Variants in EML2 observed in about 807,000 individuals in gnomAD.
The protein encoded by EML2 is EMAP like 2.
Under a neutral mutation model 84.7 loss-of-function variants are expected in EML2, and 59 were observed. That is an observed-to-expected ratio of 0.70 (90% CI 0.56 to 0.86). The LOEUF (loss-of-function observed/expected upper bound fraction) is 0.86. Ranked by LOEUF, EML2 falls within the 40% of genes least tolerant of loss-of-function variation. EML2 has a pLI of 0.00. For missense variants in EML2, 818 were observed against 855.6 expected (o/e 0.96, Z 0.55); for synonymous variants, 352 against 348.9 (o/e 1.01, Z -0.10).
intron 3 of EML2, among the ~76,000 whole-genome samples, chr19:45,637,310 C>T (rs1973840299): frequency 6.6e-6 from 1 of 152,106 alleles, no homozygotes; most frequent in Admixed American, 6.6e-5. Context: ...TGTCTCCTAC[C>T]TATAACCTCA....
chr19:45,636,401 T>C, intron 3 of EML2, among the ~76,000 whole-genome samples: 1 of 152,228 alleles, frequency 6.6e-6, no homozygotes, highest in South Asian at 2.1e-4. Flanking sequence ...CCATGGTGGC[T>C]GAGATTGGGC....
intron 12 of EML2, 52 bp from the exon 13 acceptor site, chr19:45,617,749 T>C (rs759504450): frequency 1.3e-6 from 2 of 1,535,102 alleles, no homozygotes; most frequent in African/African-American, 2.7e-5. Context: ...CCCATGTCCA[T>C]CTGGACATTC....
chr19:45,624,967 C>T, intron 8 of EML2, 149 bp from the exon 9 acceptor site: 1 of 628,404 alleles, frequency 1.6e-6, no homozygotes. Context: ...CTTCTCCCAC[C>T]TGCCTCCATC....
chr19:45,619,268 G>A, intron 11 of EML2, 77 bp from the exon 12 acceptor site: 1 of 1,495,136 alleles, frequency 6.7e-7, no homozygotes, highest in East Asian at 2.4e-5. Flanking sequence ...CCAGACAAAT[G>A]CTAGATGAGC....
intron 3 of EML2, among the ~76,000 whole-genome samples, chr19:45,636,435 G>GTT (rs369258407): frequency 6.6e-6 from 1 of 152,020 alleles, no homozygotes; most frequent in African/African-American, 2.4e-5. Flanking sequence ...TGTTTGTTTT[G>GTT]TTTTTTTCAT....
In EML2 at chr19:45,613,616, A is replaced by T; in HGVS notation, c.1749T>A (p.His583Gln). ...GTDINAVARS[H>Q]DGKLLASADD... is the part of the protein sequence containing the mutation. ...CAGCTGAAGCCAGCAACTTCCCATC[A>T]TGAGAGCGGGCCACAGCGTTGATAT... is the stretch of plus-strand genomic sequence containing the variant. The change falls in exon 18 of 19, where the codon CAT (histidine) becomes CAA (glutamine). Residue 583 changes from histidine to glutamine, a missense_variant. His to Gln is a conservative substitution (Grantham distance 24, BLOSUM62 0). Coordinates refer to ENST00000245925, the MANE Select transcript of EML2 (RefSeq NM_012155.4). 6 of 1,614,094 alleles carry T rather than the reference A, an allele frequency of 3.7e-6. No homozygotes were observed. The highest frequency in any genetic ancestry group is 5.1e-6 in the Non-Finnish European group (6 of 1,179,986).
At position 45,638,872 on chromosome 19, in the gene EML2, T is replaced by G. The variant is rs779827502; in HGVS notation, c.22A>C (p.Lys8Gln). 1.9e-6 allele frequency: 3 copies of G among 1,613,554 alleles called. No individual in the cohort carries two copies. The change falls in exon 2 of 19, where the codon AAA becomes CAA. Residue 8 changes from lysine to glutamine, a missense_variant and splice_region_variant. Lys to Gln is a moderately conservative substitution (Grantham distance 53). Coordinates refer to ENST00000245925, the MANE Select transcript of EML2 (RefSeq NM_012155.4). ...ACACTGAAGATAACTTCTTTGGTTTTGCTGTCAGGAAAGGACAAAGAAAAA... is the reference window on the plus strand; with the variant it reads ...ACACTGAAGATAACTTCTTTGGTTTGGCTGTCAGGAAAGGACAAAGAAAAA... MSSFGAG[K>Q]TKEVIFSVED...
upstream of EML2, chr19:45,641,806 G>C: frequency 4.6e-6 from 7 of 1,524,824 alleles, no homozygotes; most frequent in Non-Finnish European, 6.1e-6. Flanking sequence ...CGAGTGCCGT[G>C]AGCAAGCGAG....
At chr19:45,622,883 T>C (rs1555751245) in intron 9 of EML2, among the ~76,000 whole-genome samples, 2 of 141,136 alleles carry the variant, frequency 1.4e-5, no homozygotes, top group South Asian at 2.3e-4. Context: ...CCATCTCTAC[T>C]AAAAAAATAC....
chr19:45,620,607 G>A (rs532451958), intron 11 of EML2, among the ~76,000 whole-genome samples: 47 of 151,766 alleles, frequency 3.1e-4, no homozygotes, highest in African/African-American at 1.1e-3. Flanking sequence ...TACTCGGGAG[G>A]CTGAGGCAGG....
intron 11 of EML2, chr19:45,620,734 A>G (rs1971586738): frequency 4.6e-6 from 1 of 215,218 alleles, no homozygotes; most frequent in Non-Finnish European, 9.7e-6. Context: ...AAAAAAAAGT[A>G]TAAATATAGT....
At chr19:45,614,394 G>C (rs1420472248) in intron 17 of EML2, among the ~76,000 whole-genome samples, 1 of 151,952 alleles carries the variant, frequency 6.6e-6, no homozygotes, top group African/African-American at 2.4e-5. Flanking sequence ...GATCTCTCCT[G>C]GCCAGTTACC....
intron 16 of EML2, 135 bp downstream of exon 16, chr19:45,615,667 C>A: frequency 1.4e-6 from 1 of 714,372 alleles, no homozygotes; most frequent in Admixed American, 2.4e-5. Flanking sequence ...AGCCAGCGGT[C>A]CCTAAATTCC....
rs1385816224 is a variant in EML2, at chr19:45,636,893, G to A, written c.179+1612C>T. ...ACCCAGGAGGTGGAGGTTGCAGTGA[G>A]CCAAGATCGTGCCACTGCACTCTAG... is the stretch of plus-strand genomic sequence containing the variant. On this transcript the variant is annotated intron_variant, in intron 3 of 18. Transcript: ENST00000245925. Among the ~76,000 whole-genome samples, 8 of 152,384 alleles carry A rather than the reference G, an allele frequency of 5.2e-5. No individual in the cohort carries two copies. In the East Asian group the frequency reaches 1.5e-3, roughly 29 times the overall value.
At chr19:45,635,825 C>T (rs542430308) in intron 3 of EML2, among the ~76,000 whole-genome samples, 43 of 152,072 alleles carry the variant, frequency 2.8e-4, no homozygotes, top group African/African-American at 1.0e-3. Flanking sequence ...CTCCCAACCT[C>T]AGGTGATCTG....
intron 3 of EML2, among the ~76,000 whole-genome samples, chr19:45,635,424 C>T (rs929683625): frequency 2.0e-5 from 3 of 151,944 alleles, no homozygotes; most frequent in Admixed American, 6.6e-5. Flanking sequence ...GAGGTTTGAG[C>T]CGCTGGCGCC....
At chr19:45,610,891 A>G (rs1386573291) in intron 18 of EML2, among the ~76,000 whole-genome samples, 2 of 152,200 alleles carry the variant, frequency 1.3e-5, no homozygotes, top group Non-Finnish European at 2.9e-5. Context: ...TGGTTTATTC[A>G]GCAAGTTAAT....
chr19:45,615,195 C>T (rs1439685449), intron 16 of EML2, among the ~76,000 whole-genome samples: 5 of 152,238 alleles, frequency 3.3e-5, no homozygotes, highest in Admixed American at 1.3e-4. Context: ...TAAAAATTAG[C>T]TGGGCGTGGT....
In EML2 at chr19:45,621,337, G is replaced by C; in HGVS notation, c.997-5C>G. 1 of 1,599,212 alleles carries C rather than the reference G, an allele frequency of 6.3e-7. No homozygotes were observed. Among genetic ancestry groups the C allele is most frequent in the Non-Finnish European group, 8.5e-7 (1 of 1,170,690 alleles). On this transcript the variant is annotated splice_polypyrimidine_tract_variant and splice_region_variant and intron_variant, in intron 10 of 18. Transcript: ENST00000245925. ...AGGGCCAAAGTCCTCAGGGACCTGG[G>C]TGGACAGATAAGAGGGAAGATGAGT...
Sources: allele counts gnomAD v4.1 joint callset (sites outside exome capture counted in the v4.1 genomes callset), GRCh38; gene constraint gnomAD v4.1.1; transcripts MANE v1.5; gene names NCBI Gene and HGNC (gene_info 2026-07-23, HGNC 2026-07-21).